The following ZFR2 variants were observed in gnomAD, a reference collection of about 807,000 sequenced individuals.
The protein encoded by ZFR2 is zinc finger RNA-binding protein 2.
Under a neutral mutation model 105.7 loss-of-function variants are expected in ZFR2, and 104 were observed. The observed-to-expected ratio is 0.98, with a 90% CI of 0.84 to 1.16. The LOEUF is 1.16. ZFR2 is among the 50% of genes most tolerant of loss of function. ZFR2 has a pLI of 0.00. For missense variants in ZFR2, 1,425 were observed against 1,355.5 expected (o/e 1.05, Z -0.80); for synonymous variants, 634 against 597.7 (o/e 1.06, Z -0.89).
Position 3,821,368 on chromosome 19 carries a change from G to GCTCCAGCCGCTC in ZFR2, c.1591_1602dup (p.Glu531_Glu534dup). ...CTCTCCGCGTGCCAGCGCCGCAGCT[G>GCTCCAGCCGCTC]CTCCAGCCGCTCCTCCGCCAGGTGC... On this transcript the variant is annotated inframe_insertion, in exon 10 of 19. Transcript: ENST00000262961. The GCTCCAGCCGCTC allele has an allele frequency of 6.2e-7, 1 of 1,606,078 alleles. No individual in the cohort carries two copies.
chr19:3,831,014 GGCACACATGC>G (rs1832488530), intron 5 of ZFR2, among the ~76,000 whole-genome samples: 2 of 149,564 alleles, frequency 1.3e-5, no homozygotes, highest in Non-Finnish European at 3.0e-5. Context: ...GGCACATGCA[GGCACACATGC>G]GCACACATAC....
intron 3 of ZFR2, 76 bp downstream of exon 3, chr19:3,833,588 A>AG: frequency 9.0e-7 from 1 of 1,106,854 alleles, no homozygotes; most frequent in South Asian, 1.5e-5. Context: ...AAAAAAAAAA[A>AG]GTAAGTTTCC....
rs1474614419 is a variant in ZFR2 at position 3,831,300 on chromosome 19, G to A, written c.852+3C>T. ...GCCTGCCCATGGCAGGAGGGCGACTGACCTGGGGGCCAGCGCAGCTGATCT... is the reference window on the plus strand; with the variant it reads ...GCCTGCCCATGGCAGGAGGGCGACTAACCTGGGGGCCAGCGCAGCTGATCT... On this transcript the variant is annotated splice_donor_region_variant and intron_variant, in intron 5 of 18. Coordinates refer to ENST00000262961, the MANE Select transcript of ZFR2 (RefSeq NM_015174.2). The A allele has an allele frequency of 3.9e-6, 6 of 1,526,748 alleles. No individual in the cohort carries two copies. Among genetic ancestry groups the A allele is most frequent in the Non-Finnish European group, 5.3e-6 (6 of 1,136,288 alleles). 94.6% of individuals were successfully genotyped at this position (1,526,748 alleles called of 1,614,324 possible). A position where few individuals can be genotyped will look rare whatever the true frequency, so the allele number is the denominator to read the frequency against.
Position 3,816,689 on chromosome 19 carries a change from C to T in ZFR2, c.2088G>A (p.Leu696=). 6.2e-7 allele frequency: 1 copy of T among 1,608,864 alleles called. No homozygotes were observed. The change falls in exon 13 of 19, where the codon CTG becomes CTA. Residue 696 remains leucine (L), a synonymous_variant. Coordinates refer to ENST00000262961, the MANE Select transcript of ZFR2 (RefSeq NM_015174.2). ...HSLLRRIAQQ[L]PRQLQMVTED... Reference sequence around the variant, plus strand: ...CTGACCTTACCTGGAGCTGCCGGGGCAGCTGCTGGGCGATCCTCCGCAGCA... The same window carrying T: ...CTGACCTTACCTGGAGCTGCCGGGGTAGCTGCTGGGCGATCCTCCGCAGCA...
chr19:3,861,728 C>T lies in ZFR2; in HGVS notation c.53+7237G>A, dbSNP rs186124256. Among the ~76,000 whole-genome samples, 551 of 152,218 alleles carry T rather than the reference C, an allele frequency of 3.6e-3. 2 individuals are homozygous for T. Among genetic ancestry groups the T allele is most frequent in the Non-Finnish European group, 6.0e-3 (409 of 68,014 alleles). On this transcript the variant is annotated intron_variant, in intron 1 of 18. Transcript: ENST00000262961. ...ATCACCTGAGATCAGGGGTTTGAGA[C>T]CAGCCCGGCCAACATGGTGAAACCT...
Position 3,834,466 on chromosome 19 carries a change from C to T in ZFR2, c.264+307G>A, listed in dbSNP as rs80289391. ...CCAGGGAGGGGTCCTGTAACCCAGG[C>T]GACCCTCCTCCTCCTTCATAGTCAC... On this transcript the variant is annotated intron_variant, in intron 2 of 18. Coordinates refer to ENST00000262961, the MANE Select transcript of ZFR2 (RefSeq NM_015174.2). The surrounding 1 kb of genome is among the most constrained non-coding windows in gnomAD (Gnocchi z 5.3). Among the ~76,000 whole-genome samples the T allele has an allele frequency of 0.15, 22,911 of 152,010 alleles. 2,074 individuals carry two copies. Among genetic ancestry groups the T allele is most frequent in the East Asian group, 0.26 (1,320 of 5,126 alleles).
intron 1 of ZFR2, among the ~76,000 whole-genome samples, chr19:3,859,394 T>G (rs539894415): frequency 6.6e-6 from 1 of 152,230 alleles, no homozygotes; most frequent in Non-Finnish European, 1.5e-5. Context: ...GTGCCTCAGC[T>G]TGCAGACGGC....
intron 9 of ZFR2, 73 bp downstream of exon 9, chr19:3,822,008 C>CAGAG: frequency 1.3e-6 from 2 of 1,514,706 alleles, no homozygotes; most frequent in Non-Finnish European, 1.8e-6. Context: ...GAGGCCCGAC[C>CAGAG]ACAGGCCTCC....
intron 6 of ZFR2, among the ~76,000 whole-genome samples, chr19:3,827,110 C>T (rs1265525695): frequency 6.6e-6 from 1 of 152,034 alleles, no homozygotes. Flanking sequence ...GGTGCGGTGG[C>T]GGATGCCTGT....
In ZFR2 at chr19:3,810,736, A is replaced by C. The variant is rs749512207; in HGVS notation, c.2433+14T>G. 5 of 1,545,934 alleles carry C rather than the reference A, an allele frequency of 3.2e-6. No homozygotes were observed. Among genetic ancestry groups the C allele is most frequent in the African/African-American group, 2.7e-5 (2 of 72,926 alleles). On this transcript the variant is annotated intron_variant, in intron 16 of 18. Coordinates refer to ENST00000262961, the MANE Select transcript of ZFR2 (RefSeq NM_015174.2). ...GGTCCCAGTGGAGGGCCGGGCCGCC[A>C]GGCACTGCCTTACCCAGGCTGGCAG...
intron 3 of ZFR2, among the ~76,000 whole-genome samples, chr19:3,833,390 T>C (rs557654951): frequency 3.9e-4 from 59 of 151,760 alleles, no homozygotes; most frequent in East Asian, 1.2e-3. Context: ...TCCTGGCTAA[T>C]ACTGTGAAAC....
chr19:3,810,129 G>A (rs1422550371), intron 16 of ZFR2, among the ~76,000 whole-genome samples: 3 of 152,128 alleles, frequency 2.0e-5, no homozygotes, highest in African/African-American at 7.2e-5. Context: ...CACGGGATGG[G>A]GGACGCCACT....
rs1321158418 is a variant in ZFR2, at chr19:3,842,541, A to T, written c.54-7558T>A. Among the ~76,000 whole-genome samples the T allele has an allele frequency of 2.6e-5, 4 of 152,188 alleles. No individual in the cohort carries two copies. The East Asian group carries it at 7.7e-4, about 29-fold the overall frequency. On this transcript the variant is annotated intron_variant, in intron 1 of 18. Coordinates refer to ENST00000262961, the MANE Select transcript of ZFR2 (RefSeq NM_015174.2). ...ATTTCCTATAGAATTCAACCATTTA[A>T]AGTATAAAATGTAGTGGTTTTCAGT... is the stretch of plus-strand genomic sequence containing the variant.
At chr19:3,814,129 C>T (rs1244585782) in intron 13 of ZFR2, among the ~76,000 whole-genome samples, 171 bp from the exon 14 acceptor site, 1 of 152,172 alleles carries the variant, frequency 6.6e-6, no homozygotes. Flanking sequence ...GACCAAGACA[C>T]AGCCGCAGCC....
Position 3,808,999 on chromosome 19 carries a change from G to A in ZFR2, c.2434-16C>T, listed in dbSNP as rs750056756. On this transcript the variant is annotated splice_polypyrimidine_tract_variant and intron_variant, in intron 16 of 18. Transcript: ENST00000262961. ...GCTCCATGGCCTGGTGGGGACAGAA[G>A]AGCAGTTGCTGTGTTTTGGGCGCGC... The A allele has an allele frequency of 3.3e-6, 5 of 1,530,484 alleles. No homozygotes were observed. The highest frequency in any genetic ancestry group is 2.4e-5 in the South Asian group (2 of 82,622). 94.8% of individuals were successfully genotyped at this position (1,530,484 alleles called of 1,614,324 possible).
rs748076228 is a variant in ZFR2 at position 3,819,250 on chromosome 19, C to T, written c.1741-15G>A. 2.1e-5 allele frequency: 32 copies of T among 1,512,730 alleles called. No homozygotes were observed. Among genetic ancestry groups the T allele is most frequent in the Admixed American group, 8.6e-5 (4 of 46,680 alleles). The allele number at this position is 1,512,730 out of a possible 1,614,324, so 93.7% of individuals were successfully genotyped here. A position where few individuals can be genotyped will look rare whatever the true frequency, so the allele number is the denominator to read the frequency against. On this transcript the variant is annotated splice_polypyrimidine_tract_variant and intron_variant, in intron 11 of 18. Transcript: ENST00000262961. ...CGCCGCCCGGGCTGTGGGGAGAGGC[C>T]GCACGTGTCAAGGGTGGTCTGTGGG...
At chr19:3,860,597 C>G (rs1447435886) in intron 1 of ZFR2, among the ~76,000 whole-genome samples, 1 of 152,190 alleles carries the variant, frequency 6.6e-6, no homozygotes, top group East Asian at 1.9e-4. Flanking sequence ...CCACGTGGAG[C>G]TGGCTGCATG....
intron 17 of ZFR2, 114 bp from the exon 18 acceptor site, chr19:3,807,383 C>A: frequency 1.4e-6 from 1 of 727,846 alleles, no homozygotes; most frequent in Non-Finnish European, 2.3e-6. Flanking sequence ...TGGGGCTATA[C>A]TTGCAGCCGT....
At position 3,811,306 on chromosome 19, in the gene ZFR2, G is replaced by A. The variant is rs758528805; in HGVS notation, c.2303C>T (p.Ser768Phe). ...CCTGGCATGACGGAGGGCGGCCAGG[G>A]ACTCGAGGCACTTCTTGGGGCTCAG... ...DVLSPKKCLE[S>F]LAALRHARWF... The change falls in exon 15 of 19, where the codon TCC becomes TTC. Residue 768 changes from serine to phenylalanine, a missense_variant. Coordinates refer to ENST00000262961, the MANE Select transcript of ZFR2 (RefSeq NM_015174.2). The A allele has an allele frequency of 2.2e-5, 36 of 1,604,188 alleles. 1 individual carries two copies. The South Asian group carries it at 3.9e-4, about 18-fold the overall frequency.
Sources: allele counts gnomAD v4.1 joint callset (sites outside exome capture counted in the v4.1 genomes callset), GRCh38; gene constraint gnomAD v4.1.1; non-coding constraint Gnocchi (gnomAD v3.1); transcripts MANE v1.5; gene names NCBI Gene and HGNC (gene_info 2026-07-23, HGNC 2026-07-21).